SYNE1: variants seen among roughly 807,000 people sequenced by gnomAD.
The protein encoded by SYNE1 is spectrin repeat containing nuclear envelope protein 1.
Under a neutral mutation model 1,111.0 loss-of-function variants are expected in SYNE1, and 616 were observed. That is an observed-to-expected ratio of 0.55 (90% CI 0.52 to 0.59). SYNE1 has a LOEUF of 0.59. Among genes scored for constraint, SYNE1 ranks in the 20% least tolerant of loss-of-function variants. SYNE1 has a pLI of 0.00. For synonymous variants in SYNE1, 3,855 were observed against 3,825.8 expected, an observed-to-expected ratio of 1.01 and a Z score of -0.28; for missense variants, 10,006 against 10,417.0, an observed-to-expected ratio of 0.96 and a Z score of 1.72.
intron 8 of SYNE1, among the ~76,000 whole-genome samples, chr6:152,509,006 T>C (rs2099071751): frequency 6.6e-6 from 1 of 152,150 alleles, no homozygotes; most frequent in Admixed American, 6.5e-5. Flanking sequence ...TAAGTACTTG[T>C]TTACAACTAT....
intron 91 of SYNE1, among the ~76,000 whole-genome samples, chr6:152,303,147 T>C (rs1319813198): frequency 2.0e-5 from 3 of 150,806 alleles, no homozygotes; most frequent in African/African-American, 7.3e-5. Flanking sequence ...CTGTCATTTA[T>C]TGTGCACATA....
At chr6:152,390,186 T>C in intron 53 of SYNE1, 94 bp downstream of exon 53, 1 of 1,390,520 alleles carries the variant, frequency 7.2e-7, no homozygotes, top group Non-Finnish European at 1.0e-6. Context: ...GTAAAATGCT[T>C]GGGAATTCCA....
intron 58 of SYNE1, among the ~76,000 whole-genome samples, chr6:152,375,582 T>C (rs187364168): frequency 9.0e-4 from 136 of 151,220 alleles, no homozygotes; most frequent in Non-Finnish European, 4.9e-4. Flanking sequence ...ACAGTTAGGT[T>C]AAAAAAAAAG....
intron 2 of SYNE1, among the ~76,000 whole-genome samples, chr6:152,634,509 A>C (rs2099703031): frequency 6.6e-6 from 1 of 152,236 alleles, no homozygotes; most frequent in African/African-American, 2.4e-5. Context: ...CTAATTAATG[A>C]ATACTAAGAT....
At chr6:152,600,615 C>T (rs1005369893) in intron 3 of SYNE1, among the ~76,000 whole-genome samples, 2 of 152,156 alleles carry the variant, frequency 1.3e-5, no homozygotes, top group Admixed American at 6.5e-5. Flanking sequence ...AAATCTACTT[C>T]TGTATTTCTC....
At chr6:152,443,563 C>G (rs964083561) in intron 30 of SYNE1, among the ~76,000 whole-genome samples, 6 of 152,206 alleles carry the variant, frequency 3.9e-5, no homozygotes, top group Non-Finnish European at 5.9e-5. Context: ...CGTGCCCGGC[C>G]TATACTCAGC....
intron 6 of SYNE1, chr6:152,511,690 G>T: frequency 8.1e-7 from 1 of 1,234,592 alleles, no homozygotes; most frequent in Non-Finnish European, 1.2e-6. Context: ...TAGGTAGTCA[G>T]TTTAGAACCT....
At chr6:152,338,981 A>G (rs2096471553) in intron 75 of SYNE1, among the ~76,000 whole-genome samples, 1 of 152,232 alleles carries the variant, frequency 6.6e-6, no homozygotes, top group Non-Finnish European at 1.5e-5. Context: ...ATTAAGGAGG[A>G]GAAAAAAGAA....
intron 30 of SYNE1, among the ~76,000 whole-genome samples, chr6:152,443,566 T>C (rs1454890731): frequency 6.6e-6 from 1 of 152,198 alleles, no homozygotes; most frequent in African/African-American, 2.4e-5. Context: ...GCCCGGCCTA[T>C]ACTCAGCCTT....
intron 32 of SYNE1, 112 bp downstream of exon 32, chr6:152,441,018 A>G: frequency 7.8e-7 from 1 of 1,286,934 alleles, no homozygotes; most frequent in Non-Finnish European, 1.1e-6. Flanking sequence ...AATAAATAGT[A>G]AGTATTGATT....
intron 56 of SYNE1, among the ~76,000 whole-genome samples, chr6:152,380,747 A>G (rs146669789): frequency 1.0e-3 from 158 of 152,340 alleles, no homozygotes; most frequent in African/African-American, 3.4e-3. Context: ...CTCTTACACC[A>G]TAGGAATGAA....
chr6:152,247,846 G>A (rs900772954), intron 105 of SYNE1, among the ~76,000 whole-genome samples: 1 of 94,768 alleles, frequency 1.1e-5, no homozygotes, highest in African/African-American at 5.0e-5. Context: ...ATTTTGAGAG[G>A]TGTTCTTTAA....
At position 152,122,085 on chromosome 6, in the gene SYNE1, G is replaced by A. The variant is rs1345713145; in HGVS notation, c.*351C>T. The A allele has an allele frequency of 2.0e-5, 7 of 357,790 alleles. No homozygotes were observed. Among genetic ancestry groups the A allele is most frequent in the Non-Finnish European group, 3.2e-5 (6 of 186,170 alleles). The allele number at this position is 357,790 out of a possible 1,614,324, so 22.2% of individuals were successfully genotyped here. A position where few individuals can be genotyped will look rare whatever the true frequency, so the allele number is the denominator to read the frequency against. On this transcript the variant is annotated 3_prime_UTR_variant, in exon 146 of 146. Transcript: ENST00000367255. ...ATGGTTGGAGCAGCACCATGGGAAA[G>A]CTGCCCAGATGGTCTACTGAAGTCC...
At chr6:152,603,367 G>A (rs1351017742) in intron 3 of SYNE1, among the ~76,000 whole-genome samples, 1 of 152,028 alleles carries the variant, frequency 6.6e-6, no homozygotes, top group African/African-American at 2.4e-5. Context: ...TATCACAGGT[G>A]GTTATTTTGC....
intron 130 of SYNE1, among the ~76,000 whole-genome samples, chr6:152,171,616 C>T (rs2065225611): frequency 6.6e-6 from 1 of 152,082 alleles, no homozygotes; most frequent in Non-Finnish European, 1.5e-5. Context: ...GCTGGCCAGG[C>T]CAGGGGCAGG....
chr6:152,337,929 C>A (rs186172730), intron 75 of SYNE1, among the ~76,000 whole-genome samples: 142 of 152,150 alleles, frequency 9.3e-4, no homozygotes, highest in African/African-American at 3.3e-3. Context: ...AGGTGGATTG[C>A]CTGAGCTCAG....
intron 61 of SYNE1, chr6:152,367,702 C>T (rs2097104853): frequency 2.8e-6 from 1 of 362,568 alleles, no homozygotes; most frequent in African/African-American, 2.1e-5. Flanking sequence ...TTCTAGTTTT[C>T]ACATATCACA....
intron 3 of SYNE1, among the ~76,000 whole-genome samples, chr6:152,547,300 C>T (rs982887025): frequency 2.6e-5 from 4 of 152,186 alleles, no homozygotes; most frequent in African/African-American, 4.8e-5. Flanking sequence ...ATTGGTCTTG[C>T]GACCAAATAG....
At position 152,329,944 on chromosome 6, in the gene SYNE1, T is replaced by C. The variant is rs1245504326; in HGVS notation, c.14741A>G (p.Asp4914Gly). ...KAELSGPVYL[D>G]LNLQDIQEEI... The stretch of plus-strand genomic sequence containing the variant: ...CTCTTGGATGTCCTGCAGGTTGAGG[T>C]CTAGGTACACCGGCCCACTGAGCTC... Residue 4914 changes from aspartate (D) to glycine (G), a missense_variant, in exon 78 of 146, where the codon GAC becomes GGC. Asp to Gly is a moderately conservative substitution (Grantham distance 94). Around this residue, in one of 7 missense-constraint regions of SYNE1, gnomAD observed 4,955 missense variants for 5,017.2 expected, o/e 0.99. Transcript: ENST00000367255. 3.7e-6 allele frequency: 6 copies of C among 1,614,072 alleles called. No homozygotes were observed. The highest frequency in any genetic ancestry group is 3.3e-5 in the Admixed American group (2 of 60,012).
Sources: allele counts gnomAD v4.1 joint callset (sites outside exome capture counted in the v4.1 genomes callset), GRCh38; gene constraint gnomAD v4.1.1; regional missense constraint gnomAD v4.1.1; transcripts MANE v1.5; gene names NCBI Gene and HGNC (gene_info 2026-07-23, HGNC 2026-07-21).